Variants in RBFOX3 observed in about 807,000 individuals in gnomAD.
RBFOX3 encodes RNA binding fox-1 homolog 3.
In RBFOX3, 17 loss-of-function variants were observed where a neutral mutation model predicts 48.7. The ratio of observed to expected loss-of-function variants is 0.35; its 90% CI spans 0.24 to 0.52. The LOEUF (loss-of-function observed/expected upper bound fraction) is 0.52, where lower values mean the gene tolerates loss of function less well. RBFOX3 is among the 20% of genes least tolerant of loss of function. The probability of loss-of-function intolerance (pLI) is 0.94; values close to 1 mark genes in which losing one functional copy is unlikely to be tolerated. For missense variants in RBFOX3, 382 were observed against 497.5 expected (o/e 0.77, Z 2.21); for synonymous variants, 212 against 209.5 (o/e 1.01, Z -0.10).
upstream of RBFOX3, among the ~76,000 whole-genome samples, chr17:79,612,064 G>A (rs1262427547): frequency 2.0e-5 from 3 of 152,162 alleles, no homozygotes; most frequent in Admixed American, 6.5e-5. Context: ...GGAAAGGCAG[G>A]AGAGATCTAT....
At chr17:79,507,795 T>C (rs1555779352) in intron 1 of RBFOX3, among the ~76,000 whole-genome samples, 1 of 152,004 alleles carries the variant, frequency 6.6e-6, no homozygotes, top group Non-Finnish European at 1.5e-5. Flanking sequence ...CCTTTACAGG[T>C]GAGAGAACCA....
chr17:79,185,453 C>T (rs1044464876), intron 4 of RBFOX3, among the ~76,000 whole-genome samples: 1 of 152,194 alleles, frequency 6.6e-6, no homozygotes, highest in African/African-American at 2.4e-5. Flanking sequence ...CAGAAGGGCT[C>T]CTCGTGAGCG....
At chr17:79,538,991 C>T (rs897010969) in intron 1 of RBFOX3, among the ~76,000 whole-genome samples, 2 of 152,168 alleles carry the variant, frequency 1.3e-5, no homozygotes, top group African/African-American at 2.4e-5. Flanking sequence ...AAATACTCCA[C>T]CTTCCTCAAG....
Position 79,254,677 on chromosome 17 carries a change from T to C in RBFOX3, c.-73-18872A>G, listed in dbSNP as rs933428014. Among the ~76,000 whole-genome samples, 1 of 152,092 alleles carries C rather than the reference T, an allele frequency of 6.6e-6. No individual in the cohort carries two copies. The highest frequency in any genetic ancestry group is 1.5e-5 in the Non-Finnish European group (1 of 68,028). Reference sequence around the variant, plus strand: ...TTCTGAGCCCTCTTGGCGATTCGTATACTTGCCCCTCCATGCAGTGTCAGT... The same window carrying C: ...TTCTGAGCCCTCTTGGCGATTCGTACACTTGCCCCTCCATGCAGTGTCAGT... On this transcript the variant is annotated intron_variant, in intron 3 of 14. Coordinates refer to ENST00000693108, the MANE Select transcript of RBFOX3 (RefSeq NM_001350451.2). The surrounding 1 kb of genome is among the most constrained non-coding windows in gnomAD (Gnocchi z 4.8).
chr17:79,518,073 C>G (rs935557381), intron 1 of RBFOX3, among the ~76,000 whole-genome samples: 5 of 152,234 alleles, frequency 3.3e-5, no homozygotes, highest in Non-Finnish European at 7.3e-5. Context: ...TCTCCCCTCC[C>G]TCCTCCTCCT....
chr17:79,367,347 C>T (rs1028935094), intron 2 of RBFOX3, among the ~76,000 whole-genome samples: 14 of 149,918 alleles, frequency 9.3e-5, no homozygotes, highest in East Asian at 5.9e-4. Flanking sequence ...CTTCCTCCCC[C>T]TCCTCCTCCT....
intron 3 of RBFOX3, among the ~76,000 whole-genome samples, chr17:79,306,314 A>T (rs2076090069): frequency 1.3e-5 from 2 of 152,386 alleles, no homozygotes; most frequent in African/African-American, 4.8e-5. Flanking sequence ...CAGCAGTGCT[A>T]GCTGACAACG....
At chr17:79,409,637 T>C (rs2064010155) in intron 2 of RBFOX3, among the ~76,000 whole-genome samples, 2 of 152,318 alleles carry the variant, frequency 1.3e-5, no homozygotes, top group East Asian at 1.9e-4. Context: ...ATATGGAAAC[T>C]GATAAGCAAG....
intron 2 of RBFOX3, among the ~76,000 whole-genome samples, chr17:79,348,018 G>C (rs974742018): frequency 1.3e-5 from 2 of 152,180 alleles, no homozygotes; most frequent in Non-Finnish European, 2.9e-5. Flanking sequence ...AAGTGGAGAG[G>C]CTCCAAAAAA....
the RBFOX3 span, among the ~76,000 whole-genome samples, chr17:79,647,547 G>A: frequency 6.6e-5 from 10 of 152,146 alleles, no homozygotes; most frequent in South Asian, 4.2e-4. Context: ...TCCATTTCCC[G>A]GCACTGGGAA....
At chr17:79,381,609 G>A (rs548913596) in intron 2 of RBFOX3, among the ~76,000 whole-genome samples, 9 of 152,352 alleles carry the variant, frequency 5.9e-5, no homozygotes, top group South Asian at 4.1e-4. Context: ...CCAGCTGTGC[G>A]GAACAGGCAC....
chr17:79,459,371 C>T (rs1424958764), intron 2 of RBFOX3, among the ~76,000 whole-genome samples: 1 of 152,164 alleles, frequency 6.6e-6, no homozygotes, highest in Non-Finnish European at 1.5e-5. Flanking sequence ...TCTCTTCCCT[C>T]CACCCACCCT....
chr17:79,169,976 G>T (rs1037274762), intron 4 of RBFOX3, among the ~76,000 whole-genome samples: 2 of 151,332 alleles, frequency 1.3e-5, no homozygotes, highest in African/African-American at 4.9e-5. Flanking sequence ...AGGAAGAGGA[G>T]AGAGTTAAAA....
chr17:79,506,744 G>A (rs1186364790), intron 1 of RBFOX3, among the ~76,000 whole-genome samples: 2 of 152,188 alleles, frequency 1.3e-5, no homozygotes, highest in African/African-American at 2.4e-5. Flanking sequence ...CTGGATGGGA[G>A]ACAGGACCAA....
Position 79,477,535 on chromosome 17 carries a change from G to T in RBFOX3, c.-175+4919C>A, listed in dbSNP as rs1401230485. Among the ~76,000 whole-genome samples, 2 of 151,226 alleles carry T rather than the reference G, an allele frequency of 1.3e-5. No individual in the cohort carries two copies. Among genetic ancestry groups the T allele is most frequent in the Non-Finnish European group, 2.9e-5 (2 of 67,902 alleles). On this transcript the variant is annotated intron_variant, in intron 2 of 14. Transcript: ENST00000693108. This position sits in a 1 kb window ranked among gnomAD's most constrained non-coding sequence, Gnocchi z 4.8. ...CGCCCCATCGCACTCCAGCCTGGGC[G>T]ACAGAGCGAAACTCCGTCACCGGAA... is the stretch of plus-strand genomic sequence containing the variant.
intron 3 of RBFOX3, among the ~76,000 whole-genome samples, chr17:79,292,582 ATG>A (rs67039929): frequency 0.37 from 54,899 of 147,548 alleles, 10,302 homozygotes; most frequent in African/African-American, 0.45. Context: ...ACACACACAC[ATG>A]CACACACACA....
chr17:79,318,084 G>A (rs547229474), intron 2 of RBFOX3, among the ~76,000 whole-genome samples: 63 of 152,318 alleles, frequency 4.1e-4, no homozygotes, highest in Non-Finnish European at 6.8e-4. Flanking sequence ...CTGCCTGGCT[G>A]CTGCTGACAA....
At chr17:79,105,082 G>C (rs1340751384) in intron 6 of RBFOX3, among the ~76,000 whole-genome samples, 1 of 152,228 alleles carries the variant, frequency 6.6e-6, no homozygotes, top group Non-Finnish European at 1.5e-5. Context: ...GAGGTCCCCA[G>C]GGCCTGTCCT....
intron 1 of RBFOX3, among the ~76,000 whole-genome samples, chr17:79,556,621 A>T (rs2091781926): frequency 1.3e-5 from 2 of 152,244 alleles, no homozygotes; most frequent in South Asian, 2.1e-4. Context: ...ACGGCTACTT[A>T]AAAGACTCGA....
Sources: gnomAD v4.1 joint callset for allele counts (sites outside exome capture counted in the v4.1 genomes callset) on GRCh38, gnomAD v4.1.1 for gene constraint, Gnocchi (gnomAD v3.1) non-coding constraint, MANE v1.5 for transcripts, NCBI Gene and HGNC (gene_info 2026-07-23, HGNC 2026-07-21) for gene names.